ZNF704: variants seen among roughly 807,000 people sequenced by gnomAD.
ZNF704 encodes the protein zinc finger protein 704, also known as glucocorticoid induced gene 1.
Under a neutral mutation model 44.7 loss-of-function variants are expected in ZNF704, and 10 were observed. The ratio of observed to expected loss-of-function variants is 0.22; its 90% confidence interval spans 0.14 to 0.38. The LOEUF is 0.38. ZNF704 is among the 10% of genes least tolerant of loss of function. The pLI is 1.00. For synonymous variants in ZNF704, 211 were observed against 207.6 expected, an observed-to-expected ratio of 1.02 and a Z score of -0.14; for missense variants, 390 against 545.5, an observed-to-expected ratio of 0.71 and a Z score of 2.84.
chr8:80,762,550 C>T (rs1775718466), intron 2 of ZNF704, among the ~76,000 whole-genome samples: 3 of 152,182 alleles, frequency 2.0e-5, no homozygotes, highest in Admixed American at 1.3e-4. Flanking sequence ...TATCTAATCA[C>T]CTCCCTCCCT....
At chr8:80,681,582 A>G (rs1207947891) in intron 4 of ZNF704, among the ~76,000 whole-genome samples, 1 of 152,184 alleles carries the variant, frequency 6.6e-6, no homozygotes, top group African/African-American at 2.4e-5. Context: ...AACTCACTAA[A>G]TGGTATACTT....
At chr8:80,705,414 CTG>C (rs930996742) in intron 2 of ZNF704, among the ~76,000 whole-genome samples, 5 of 150,730 alleles carry the variant, frequency 3.3e-5, no homozygotes, top group African/African-American at 1.2e-4. Flanking sequence ...GTGTGTCTGT[CTG>C]TGTTTGTGTT....
At chr8:80,804,485 T>C (rs1807954085) in intron 2 of ZNF704, among the ~76,000 whole-genome samples, 1 of 152,120 alleles carries the variant, frequency 6.6e-6, no homozygotes, top group South Asian at 2.1e-4. Flanking sequence ...CATGGAATAC[T>C]ATGCAGCCAT....
intron 2 of ZNF704, among the ~76,000 whole-genome samples, chr8:80,777,858 G>A (rs1278156976): frequency 1.6e-4 from 23 of 148,050 alleles, no homozygotes; most frequent in African/African-American, 4.3e-4. Context: ...CAGCCTAGGC[G>A]ACAGAGTGAG....
At chr8:80,780,117 G>A (rs1281296499) in intron 2 of ZNF704, among the ~76,000 whole-genome samples, 1 of 152,096 alleles carries the variant, frequency 6.6e-6, no homozygotes, top group East Asian at 1.9e-4. Context: ...AAGGAACAGT[G>A]TGAGAGGGTT....
At position 80,631,228 on chromosome 8, in the gene ZNF704, T is replaced by C. The variant is rs1289439516; in HGVS notation, c.*10138A>G. 1 of 151,964 alleles carries C rather than the reference T, an allele frequency of 6.6e-6. No homozygotes were observed. The highest frequency in any genetic ancestry group is 1.5e-5 in the Non-Finnish European group (1 of 67,990). The allele number at this position is 151,964 out of a possible 1,614,324, so 9.4% of individuals were successfully genotyped here. A position where few individuals can be genotyped will look rare whatever the true frequency, so the allele number is the denominator to read the frequency against. The stretch of plus-strand genomic sequence containing the variant: ...CTTTTTTGGGAAAGTATGGGTAGTT[T>C]ATCATGAAACTCCGCTGTATATCCC... On this transcript the variant is annotated 3_prime_UTR_variant, in exon 9 of 9. Coordinates refer to ENST00000327835, the MANE Select transcript of ZNF704 (RefSeq NM_001033723.3).
At chr8:80,758,223 A>C (rs1586006474) in intron 2 of ZNF704, among the ~76,000 whole-genome samples, 2 of 152,344 alleles carry the variant, frequency 1.3e-5, no homozygotes, top group Admixed American at 1.3e-4. Flanking sequence ...CCAAATTATC[A>C]GTTATCACAG....
the ZNF704 span, among the ~76,000 whole-genome samples, chr8:80,880,941 C>T: frequency 6.6e-6 from 1 of 152,194 alleles, no homozygotes; most frequent in African/African-American, 2.4e-5. Flanking sequence ...AATTCTAAAG[C>T]TTTGATACTA....
chr8:80,834,535 T>G (rs1308454321), intron 1 of ZNF704, among the ~76,000 whole-genome samples: 1 of 152,178 alleles, frequency 6.6e-6, no homozygotes, highest in Non-Finnish European at 1.5e-5. Context: ...TGTTTTTTAC[T>G]TTAAGTTCTG....
intron 2 of ZNF704, among the ~76,000 whole-genome samples, chr8:80,758,865 T>C (rs1441603907): frequency 6.6e-6 from 1 of 152,198 alleles, no homozygotes; most frequent in Non-Finnish European, 1.5e-5. Context: ...AAATACATAG[T>C]GCCTTAGATG....
At chr8:80,793,423 C>T (rs1231187594) in intron 2 of ZNF704, among the ~76,000 whole-genome samples, 1 of 152,064 alleles carries the variant, frequency 6.6e-6, no homozygotes, top group African/African-American at 2.4e-5. Flanking sequence ...TGCTATAATA[C>T]AATTCATTCA....
chr8:80,752,506 T>C (rs1806960763), intron 2 of ZNF704, among the ~76,000 whole-genome samples: 1 of 151,764 alleles, frequency 6.6e-6, no homozygotes, highest in Non-Finnish European at 1.5e-5. Context: ...TTTATAATGC[T>C]AGCCTGCTCT....
At chr8:80,823,342 T>C (rs1024050109) in intron 1 of ZNF704, among the ~76,000 whole-genome samples, 2 of 152,048 alleles carry the variant, frequency 1.3e-5, no homozygotes, top group African/African-American at 4.8e-5. Context: ...CAGTCTGAGA[T>C]CAAACTGCAA....
At chr8:80,802,175 G>A (rs987764791) in intron 2 of ZNF704, among the ~76,000 whole-genome samples, 2 of 123,162 alleles carry the variant, frequency 1.6e-5, no homozygotes, top group Non-Finnish European at 3.3e-5. Context: ...AATTGAGGCA[G>A]TAATAAACGC....
At chr8:80,751,626 T>C (rs1029949846) in intron 2 of ZNF704, among the ~76,000 whole-genome samples, 3 of 152,292 alleles carry the variant, frequency 2.0e-5, no homozygotes, top group South Asian at 2.1e-4. Context: ...TAAAAGTACA[T>C]ACATGTAAAG....
At chr8:80,865,450 T>G (rs2130056388) in intron 1 of ZNF704, among the ~76,000 whole-genome samples, 1 of 152,304 alleles carries the variant, frequency 6.6e-6, no homozygotes, top group African/African-American at 2.4e-5. Flanking sequence ...TCATCTCCTT[T>G]GACTCAGCCT....
intron 6 of ZNF704, among the ~76,000 whole-genome samples, chr8:80,662,521 TAATAA>T (rs1354158769): frequency 6.6e-6 from 1 of 152,206 alleles, no homozygotes; most frequent in African/African-American, 2.4e-5. Context: ...TTGACCAACA[TAATAA>T]GAGTCAGGAA....
intron 2 of ZNF704, among the ~76,000 whole-genome samples, chr8:80,739,005 T>G (rs557040038): frequency 4.9e-4 from 74 of 152,254 alleles, no homozygotes; most frequent in Non-Finnish European, 1.0e-3. Context: ...GAACTGTTAG[T>G]TTACTCTTTC....
intron 1 of ZNF704, among the ~76,000 whole-genome samples, chr8:80,838,798 C>T (rs531730453): frequency 6.8e-6 from 1 of 146,306 alleles, no homozygotes; most frequent in East Asian, 2.0e-4. Flanking sequence ...AGGGAGCAGA[C>T]CCTGGAGGAG....
Sources: allele counts gnomAD v4.1 joint callset (sites outside exome capture counted in the v4.1 genomes callset), GRCh38; gene constraint gnomAD v4.1.1; transcripts MANE v1.5; gene names NCBI Gene and HGNC (gene_info 2026-07-23, HGNC 2026-07-21).